RNF19B: variants seen among roughly 807,000 people sequenced by gnomAD.
RNF19B encodes ring finger protein 19B.
A neutral mutation model predicts 65.5 loss-of-function variants in RNF19B; 23 were observed. The ratio of observed to expected loss-of-function variants is 0.35; its 90% CI spans 0.25 to 0.50. The LOEUF (loss-of-function observed/expected upper bound fraction) is 0.50. Ranked by LOEUF, RNF19B falls within the 20% of genes least tolerant of loss-of-function variation. The pLI is 0.98. For missense variants in RNF19B, 794 were observed against 980.0 expected, an observed-to-expected ratio of 0.81 and a Z score of 2.53; for synonymous variants, 372 against 379.6, an observed-to-expected ratio of 0.98 and a Z score of 0.23.
At chr1:32,942,139 CAATT>C in intron 7 of RNF19B, 109 bp downstream of exon 7, 1 of 870,122 alleles carries the variant, frequency 1.1e-6, no homozygotes, top group Non-Finnish European at 1.8e-6. Context: ...AAACCATTGA[CAATT>C]AAATCAAAAT....
Position 32,942,274 on chromosome 1 carries a change from T to C in RNF19B, c.1588A>G (p.Ser530Gly). ...TACCTGCTATATTTTCCCTTGCCAC[T>C]GGAGAGAATGCCGCCACTCAGCGTG... ...GGTLSGGILSSGKGKYSRLEV... is the reference protein window; with the variant it reads ...GGTLSGGILSGGKGKYSRLEV... Residue 530 changes from serine to glycine, a missense_variant, in exon 7 of 9, where the codon AGT becomes GGT. By Grantham distance (56) the Ser-to-Gly change is moderately conservative. Around this residue, in one of 3 missense-constraint regions of RNF19B, gnomAD observed 368 missense variants for 447.3 expected, o/e 0.82. Transcript: ENST00000235150. 1 of 1,611,160 alleles carries C rather than the reference T, an allele frequency of 6.2e-7. No homozygotes were observed. Among genetic ancestry groups the C allele is most frequent in the Non-Finnish European group, 8.5e-7 (1 of 1,177,500 alleles).
chr1:32,952,064 G>A (rs1245756093), intron 1 of RNF19B, among the ~76,000 whole-genome samples: 1 of 150,062 alleles, frequency 6.7e-6, no homozygotes, highest in Non-Finnish European at 1.5e-5. Flanking sequence ...TTCTCAAAGT[G>A]TTGGGATTAC....
At position 32,941,315 on chromosome 1, in the gene RNF19B, C is replaced by T. The variant is rs150439181; in HGVS notation, c.1610+937G>A. 5.0e-3 allele frequency among the ~76,000 whole-genome samples: 758 copies of T among 152,192 alleles called. 7 individuals are homozygous for T. The highest frequency in any genetic ancestry group is 0.016 in the African/African-American group (677 of 41,518). On this transcript the variant is annotated intron_variant, in intron 7 of 8. Transcript: ENST00000235150. ...ATCCCAGCACTTTGGGAGGCTGAGG[C>T]GGGTGGATCACAAGGTCAGGAGCTT...
In RNF19B at chr1:32,954,099, T is replaced by A. The variant is rs867274476; in HGVS notation, c.636-4325A>T. Among the ~76,000 whole-genome samples, 4 of 151,196 alleles carry A rather than the reference T, an allele frequency of 2.6e-5. No individual in the cohort carries two copies. In the South Asian group the frequency reaches 6.3e-4, roughly 24 times the overall value. ...ACATTTTTTGTATTTTTAGTAGAGATGGGGTTTCACCATGTTGGCCAGGCT... is the reference window on the plus strand; with the variant it reads ...ACATTTTTTGTATTTTTAGTAGAGAAGGGGTTTCACCATGTTGGCCAGGCT... On this transcript the variant is annotated intron_variant, in intron 1 of 8. Transcript: ENST00000235150.
At chr1:32,950,512 T>C (rs1642467989) in intron 1 of RNF19B, among the ~76,000 whole-genome samples, 1 of 152,060 alleles carries the variant, frequency 6.6e-6, no homozygotes, top group South Asian at 2.1e-4. Context: ...ATTAGTGAAA[T>C]AAAGAGCTAT....
chr1:32,950,197 T>C (rs1642461023), intron 1 of RNF19B, among the ~76,000 whole-genome samples: 1 of 152,152 alleles, frequency 6.6e-6, no homozygotes. Context: ...GGTCTCAAAC[T>C]CCTGACCTCA....
intron 1 of RNF19B, among the ~76,000 whole-genome samples, chr1:32,958,648 G>A (rs1642698767): frequency 6.6e-6 from 1 of 151,876 alleles, no homozygotes; most frequent in East Asian, 1.9e-4. Context: ...CCCGGGAGGT[G>A]GAGCTTGCAG....
At chr1:32,946,591 T>G (rs538048289) in intron 3 of RNF19B, 27 bp from the exon 4 acceptor site, 1 of 1,605,230 alleles carries the variant, frequency 6.2e-7, no homozygotes, top group East Asian at 2.2e-5. Context: ...CTGAAGTTAA[T>G]GTCAACATTA....
chr1:32,963,164 A>C (rs530999394), intron 1 of RNF19B, among the ~76,000 whole-genome samples: 1 of 152,176 alleles, frequency 6.6e-6, no homozygotes, highest in East Asian at 1.9e-4. Flanking sequence ...CACCCTACCC[A>C]AGGCAGCAAG....
At chr1:32,946,819 TTC>T (rs1642377187) in intron 3 of RNF19B, among the ~76,000 whole-genome samples, 1 of 152,180 alleles carries the variant, frequency 6.6e-6, no homozygotes. Flanking sequence ...CTCTGCTGAA[TTC>T]TGTCTTCCCT....
Position 32,964,663 on chromosome 1 carries a change from T to TA in RNF19B, c.22_23insT (p.Glu8ValfsTer16). ...ATGTAGCGATGTGGAGCGCGGCGAC[T>TA]CGGAGTCCTTCTCGGAGCCCATGGC... On this transcript the variant is annotated frameshift_variant, in exon 1 of 9. Transcript: ENST00000235150. LOFTEE classifies it high-confidence loss of function. This position sits in a 1 kb window ranked among gnomAD's most constrained non-coding sequence, Gnocchi z 6.5. 6.8e-7 allele frequency: 1 copy of TA among 1,471,606 alleles called. No individual in the cohort carries two copies. The highest frequency in any genetic ancestry group is 9.0e-7 in the Non-Finnish European group (1 of 1,115,548). The allele number at this position is 1,471,606 out of a possible 1,614,324, so 91.2% of individuals were successfully genotyped here.
intron 1 of RNF19B, among the ~76,000 whole-genome samples, chr1:32,963,182 C>T (rs1211603786): frequency 1.3e-5 from 2 of 152,108 alleles, no homozygotes; most frequent in Non-Finnish European, 2.9e-5. Context: ...AAGGTAAGAA[C>T]GACAGAGTGC....
At chr1:32,952,641 C>T (rs1032436116) in intron 1 of RNF19B, among the ~76,000 whole-genome samples, 8 of 150,988 alleles carry the variant, frequency 5.3e-5, no homozygotes, top group Admixed American at 2.7e-4. Context: ...ACTCAGGAGG[C>T]TGAGGGAGGA....
chr1:32,934,097 C>T (rs1229777357), downstream of RNF19B, among the ~76,000 whole-genome samples: 2 of 152,232 alleles, frequency 1.3e-5, no homozygotes, highest in African/African-American at 4.8e-5. Context: ...GTACACGCCC[C>T]CTTCAGGGAA....
chr1:32,958,414 A>C (rs1642690210), intron 1 of RNF19B, among the ~76,000 whole-genome samples: 1 of 152,222 alleles, frequency 6.6e-6, no homozygotes, highest in South Asian at 2.1e-4. Flanking sequence ...TAGAAAATAA[A>C]ATCAAAAGAT....
downstream of RNF19B, among the ~76,000 whole-genome samples, chr1:32,931,836 CCAA>C (rs1304413670): frequency 3.3e-5 from 5 of 152,212 alleles, no homozygotes; most frequent in Non-Finnish European, 5.9e-5. Flanking sequence ...CTTTGAGGTG[CCAA>C]CGTCTTTTCT....
intron 1 of RNF19B, among the ~76,000 whole-genome samples, chr1:32,951,506 C>T (rs1032734007): frequency 2.0e-5 from 3 of 152,206 alleles, no homozygotes; most frequent in Non-Finnish European, 4.4e-5. Context: ...GCTGGAGCTC[C>T]CACCGGTGAG....
Position 32,964,380 on chromosome 1 carries a change from G to T in RNF19B, c.306C>A (p.Asp102Glu). The change falls in exon 1 of 9, where the codon GAC becomes GAA. Residue 102 changes from aspartate to glutamate, a missense_variant. Physicochemically the swap from Asp to Glu is conservative, Grantham distance 45. This residue lies in a region of RNF19B where 374 missense variants were observed against 423.8 expected (regional missense o/e 0.88). Transcript: ENST00000235150. The surrounding 1 kb of genome is among the most constrained non-coding windows in gnomAD (Gnocchi z 6.5). ...AAAAAAEPGF[D>E]DEEAAEGGGP... is the part of the protein sequence containing the mutation. Reference sequence around the variant, plus strand: ...CACCGCCCTCCGCCGCCTCCTCATCGTCGAACCCAGGCTCCGCCGCCGCCG... The same window carrying T: ...CACCGCCCTCCGCCGCCTCCTCATCTTCGAACCCAGGCTCCGCCGCCGCCG... 1 of 1,379,736 alleles carries T rather than the reference G, an allele frequency of 7.2e-7. No individual in the cohort carries two copies. The highest frequency in any genetic ancestry group is 3.0e-5 in the Admixed American group (1 of 33,506). The allele number at this position is 1,379,736 out of a possible 1,614,324, so 85.5% of individuals were successfully genotyped here. A position where few individuals can be genotyped will look rare whatever the true frequency, so the allele number is the denominator to read the frequency against.
At chr1:32,961,121 C>A (rs1642760551) in intron 1 of RNF19B, among the ~76,000 whole-genome samples, 1 of 152,202 alleles carries the variant, frequency 6.6e-6, no homozygotes, top group Admixed American at 6.5e-5. Flanking sequence ...CCACTTTCAA[C>A]TGAAGATCTC....
Sources: allele counts gnomAD v4.1 joint callset (sites outside exome capture counted in the v4.1 genomes callset), GRCh38; gene constraint gnomAD v4.1.1; regional missense constraint gnomAD v4.1.1; non-coding constraint Gnocchi (gnomAD v3.1); transcripts MANE v1.5; gene names NCBI Gene and HGNC (gene_info 2026-07-23, HGNC 2026-07-21).